The following SETD3 variants were observed in gnomAD, a reference collection of about 807,000 sequenced individuals.
The protein encoded by SETD3 is SET domain containing 3, actin N3(tau)-histidine methyltransferase.
Under a neutral mutation model 63.0 loss-of-function variants are expected in SETD3, and 19 were observed. That is an observed-to-expected ratio of 0.30 (90% CI 0.21 to 0.44). SETD3 has a LOEUF of 0.44. Among genes scored for constraint, SETD3 ranks in the 20% least tolerant of loss-of-function variants. SETD3 has a pLI of 1.00. For missense variants in SETD3, 587 were observed against 728.5 expected, an observed-to-expected ratio of 0.81 and a Z score of 2.24; for synonymous variants, 286 against 264.1, an observed-to-expected ratio of 1.08 and a Z score of -0.80.
intron 12 of SETD3, 52 bp from the exon 13 acceptor site, chr14:99,399,177 T>G (rs762155357): frequency 3.2e-6 from 5 of 1,542,458 alleles, no homozygotes; most frequent in Middle Eastern, 1.7e-4. Flanking sequence ...AGCAAAACTA[T>G]AGAGACAGAG....
At chr14:99,456,802 C>T (rs1894786791) in intron 6 of SETD3, among the ~76,000 whole-genome samples, 1 of 152,176 alleles carries the variant, frequency 6.6e-6, no homozygotes, top group South Asian at 2.1e-4. Flanking sequence ...TTAGTTAATA[C>T]TGAAGTAAAT....
chr14:99,429,894 C>A (rs1270417518), intron 6 of SETD3, among the ~76,000 whole-genome samples: 1 of 152,250 alleles, frequency 6.6e-6, no homozygotes, highest in East Asian at 1.9e-4. Context: ...CTCAATTCCA[C>A]ACACCTGTTT....
intron 12 of SETD3, among the ~76,000 whole-genome samples, chr14:99,399,741 ATTT>A (rs150317244): frequency 0.75 from 95,169 of 127,420 alleles, 36,372 homozygotes; most frequent in Middle Eastern, 0.82. Context: ...CTTTCATTAA[ATTT>A]TTTTTTTTTT....
At chr14:99,436,879 C>T (rs1893514090) in intron 6 of SETD3, among the ~76,000 whole-genome samples, 1 of 152,218 alleles carries the variant, frequency 6.6e-6, no homozygotes, top group Non-Finnish European at 1.5e-5. Flanking sequence ...GAGCACCTCC[C>T]TCCACTGCTT....
chr14:99,425,519 C>G (rs1892832449), intron 6 of SETD3, among the ~76,000 whole-genome samples: 1 of 152,242 alleles, frequency 6.6e-6, no homozygotes, highest in Non-Finnish European at 1.5e-5. Context: ...GTGGAACATT[C>G]TCAGCAAACA....
chr14:99,452,994 A>C (rs1390328523), intron 6 of SETD3, among the ~76,000 whole-genome samples: 1 of 152,236 alleles, frequency 6.6e-6, no homozygotes, highest in African/African-American at 2.4e-5. Context: ...CTGCAAGTTC[A>C]TTTCTCTAGG....
At chr14:99,480,103 G>T (rs555697938) in intron 1 of SETD3, among the ~76,000 whole-genome samples, 6 of 152,224 alleles carry the variant, frequency 3.9e-5, no homozygotes, top group African/African-American at 1.4e-4. Flanking sequence ...TGGGAAGAAA[G>T]ACGACCTATT....
intron 6 of SETD3, among the ~76,000 whole-genome samples, chr14:99,421,672 G>A (rs539112260): frequency 4.5e-4 from 69 of 152,194 alleles, no homozygotes; most frequent in African/African-American, 1.6e-3. Flanking sequence ...GCACTCTATC[G>A]AGAACTCTAT....
upstream of SETD3, among the ~76,000 whole-genome samples, chr14:99,484,704 T>C (rs1195704898): frequency 1.3e-5 from 2 of 152,236 alleles, no homozygotes; most frequent in South Asian, 2.1e-4. Context: ...ACACCAGTTA[T>C]TGATACCCAG....
At chr14:99,403,304 AG>A (rs1891482720) in intron 11 of SETD3, among the ~76,000 whole-genome samples, 2 of 152,170 alleles carry the variant, frequency 1.3e-5, no homozygotes, top group South Asian at 4.1e-4. Flanking sequence ...CCTCCGACCA[AG>A]GAAGTGCTTG....
At chr14:99,452,845 C>T (rs1294543316) in intron 6 of SETD3, among the ~76,000 whole-genome samples, 1 of 151,530 alleles carries the variant, frequency 6.6e-6, no homozygotes, top group Non-Finnish European at 1.5e-5. Context: ...GCAGGCAGAT[C>T]GCGGGGGGAG....
rs1895197427 is a variant in SETD3, at chr14:99,463,574, G to A, written c.108C>T (p.Cys36=). Residue 36 remains cysteine (C), a synonymous_variant, in exon 3 of 13, where the codon TGC becomes TGT. Transcript: ENST00000331768. ...LNLTSELLQK[C]SSPAPGPGKE... ...TTCCTGGGCCAGGCGCCGGACTGCT[G>A]CATTCTGTAACATAAGAGGCATGGT... The A allele has an allele frequency of 6.2e-7, 1 of 1,612,890 alleles. No homozygotes were observed. Among genetic ancestry groups the A allele is most frequent in the South Asian group, 1.1e-5 (1 of 90,986 alleles).
intron 4 of SETD3, 106 bp from the exon 5 acceptor site, chr14:99,459,291 G>T: frequency 3.0e-6 from 2 of 669,514 alleles, no homozygotes; most frequent in African/African-American, 1.9e-5. Flanking sequence ...ACAACTTAAG[G>T]CTGCATATCA....
In SETD3 at chr14:99,463,665, T is replaced by C. The variant is rs1156282738; in HGVS notation, c.104-87A>G. 3 of 1,075,798 alleles carry C rather than the reference T, an allele frequency of 2.8e-6. No homozygotes were observed. The African/African-American group carries it at 4.7e-5, about 17-fold the overall frequency. The allele number at this position is 1,075,798 out of a possible 1,614,324, so 66.6% of individuals were successfully genotyped here. On this transcript the variant is annotated intron_variant, in intron 2 of 12. Transcript: ENST00000331768. ...CACAAGAAAGAGGATTTGGACTTTG[T>C]TGTTGCTGTTCTGGGGTTGGTTTAT...
chr14:99,446,000 A>G (rs1389137052), intron 6 of SETD3, among the ~76,000 whole-genome samples: 1 of 152,166 alleles, frequency 6.6e-6, no homozygotes, highest in African/African-American at 2.4e-5. Flanking sequence ...AGTTGGGGAG[A>G]GAAGGAATCA....
upstream of SETD3, chr14:99,481,083 T>A (rs3918032): frequency 2.1e-4 from 46 of 215,096 alleles, no homozygotes; most frequent in African/African-American, 9.8e-4. Flanking sequence ...ATGTCGCAAC[T>A]GGCTGCGTTC....
At chr14:99,469,572 T>C (rs1895584455) in intron 1 of SETD3, among the ~76,000 whole-genome samples, 1 of 152,182 alleles carries the variant, frequency 6.6e-6, no homozygotes, top group South Asian at 2.1e-4. Flanking sequence ...GGCAAAACCT[T>C]GTCTCTACAA....
rs763707614 is a variant in SETD3, at chr14:99,410,290, G to A, written c.849+2661C>T. ...GGTGTGGGGGGACAGGTTGTTCGGA[G>A]AGACTTGTCTGCTATTGTAAAAATG... On this transcript the variant is annotated intron_variant, in intron 8 of 12. Transcript: ENST00000331768. The A allele has an allele frequency of 6.2e-6, 10 of 1,609,048 alleles. No individual in the cohort carries two copies. In the East Asian group the frequency reaches 1.8e-4, roughly 29 times the overall value.
At chr14:99,472,609 G>A (rs1052760003) in intron 1 of SETD3, among the ~76,000 whole-genome samples, 1 of 152,004 alleles carries the variant, frequency 6.6e-6, no homozygotes, top group Non-Finnish European at 1.5e-5. Flanking sequence ...AAGACCAAAT[G>A]TTTATTTTCA....
Sources: allele counts gnomAD v4.1 joint callset (sites outside exome capture counted in the v4.1 genomes callset), GRCh38; gene constraint gnomAD v4.1.1; transcripts MANE v1.5; gene names NCBI Gene and HGNC (gene_info 2026-07-23, HGNC 2026-07-21).